Variants in BANK1 observed in about 807,000 individuals in gnomAD.
BANK1 encodes the protein B-cell scaffold protein with ankyrin repeats.
A neutral mutation model predicts 94.5 loss-of-function variants in BANK1; 95 were observed. The observed-to-expected ratio is 1.00, with a 90% CI of 0.85 to 1.19. BANK1 has a LOEUF of 1.19. Ranked by LOEUF, BANK1 falls within the 50% of genes most tolerant of loss-of-function variation. The pLI is 0.00. For synonymous variants in BANK1, 334 were observed against 308.4 expected (o/e 1.08, Z -0.87); for missense variants, 987 against 932.2 (o/e 1.06, Z -0.77).
At chr4:101,986,740 A>T (rs1725492128) in intron 7 of BANK1, among the ~76,000 whole-genome samples, 1 of 148,122 alleles carries the variant, frequency 6.8e-6, no homozygotes, top group African/African-American at 2.5e-5. Flanking sequence ...CTTTCTTCTA[A>T]TGTGATTGAT....
At chr4:102,059,567 A>G (rs1728343976) in intron 11 of BANK1, among the ~76,000 whole-genome samples, 1 of 152,160 alleles carries the variant, frequency 6.6e-6, no homozygotes, top group Admixed American at 6.5e-5. Context: ...GAGTTCACCC[A>G]TGGTCTGCCA....
chr4:102,058,009 T>A (rs1728287193), intron 11 of BANK1, among the ~76,000 whole-genome samples: 1 of 152,198 alleles, frequency 6.6e-6, no homozygotes, highest in South Asian at 2.1e-4. Flanking sequence ...TATCCTGCTT[T>A]TGTACTTGTT....
intron 5 of BANK1, among the ~76,000 whole-genome samples, chr4:101,889,640 T>TA (rs963501881): frequency 1.1e-4 from 16 of 151,300 alleles, no homozygotes; most frequent in Non-Finnish European, 2.4e-4. Flanking sequence ...AATCACTTGT[T>TA]ACTATAGTTT....
At chr4:101,792,255 T>TCCCCCCC (rs771698917) in intron 1 of BANK1, among the ~76,000 whole-genome samples, 5 of 128,658 alleles carry the variant, frequency 3.9e-5, no homozygotes, top group South Asian at 2.8e-4. Flanking sequence ...TGCATTCCGC[T>TCCCCCCC]CCCCCCCCGC....
intron 7 of BANK1, among the ~76,000 whole-genome samples, chr4:101,997,941 T>A (rs1291046446): frequency 6.6e-6 from 1 of 152,200 alleles, no homozygotes; most frequent in African/African-American, 2.4e-5. Context: ...ATCTTAGTTA[T>A]TTCTTGTCTT....
intron 7 of BANK1, among the ~76,000 whole-genome samples, chr4:101,989,141 T>C (rs531913218): frequency 2.0e-5 from 3 of 152,032 alleles, no homozygotes; most frequent in African/African-American, 4.8e-5. Flanking sequence ...AAGAACCCCC[T>C]GTTTCTTATA....
chr4:101,883,359 C>T (rs1354127868), intron 5 of BANK1, among the ~76,000 whole-genome samples: 2 of 152,090 alleles, frequency 1.3e-5, no homozygotes, highest in African/African-American at 4.8e-5. Flanking sequence ...AATTACTTAG[C>T]CATTAATACA....
At chr4:101,841,804 T>A (rs899222120) in intron 2 of BANK1, among the ~76,000 whole-genome samples, 2 of 114,084 alleles carry the variant, frequency 1.8e-5, no homozygotes, top group Admixed American at 1.3e-4. Context: ...GTCCCCAGAG[T>A]GCAATGTTCC....
intron 7 of BANK1, among the ~76,000 whole-genome samples, chr4:101,925,931 C>A (rs571695398): frequency 1.3e-5 from 2 of 151,758 alleles, no homozygotes. Context: ...GTATTGACAC[C>A]ATATCTGTCG....
In BANK1 at chr4:101,918,078, T is replaced by A; in HGVS notation, c.1095T>A (p.Cys365Ter). The A allele has an allele frequency of 1.2e-6, 2 of 1,612,098 alleles. No individual in the cohort carries two copies. The highest frequency in any genetic ancestry group is 1.7e-6 in the Non-Finnish European group (2 of 1,178,698). ...ACCTGGCTATTCATTTGCTTCAATG[T>A]TCAGGAGCAACCTGGGCATCTAAGA... ...LKNLAIHLLQ[C>*]SGATWASKMK... is the part of the protein sequence containing the mutation. The change falls in exon 7 of 17, where the codon TGT becomes TGA. Residue 365 changes from cysteine to a stop codon, truncating the protein, a stop_gained. Transcript: ENST00000322953. LOFTEE classifies it high-confidence loss of function.
At chr4:101,847,231 GTGTGTA>G (rs1333403234) in intron 2 of BANK1, among the ~76,000 whole-genome samples, 4 of 117,624 alleles carry the variant, frequency 3.4e-5, no homozygotes, top group South Asian at 5.2e-4. Flanking sequence ...GTGTGTGTGT[GTGTGTA>G]TGTATATAGT....
chr4:102,049,766 G>T (rs112381760), intron 11 of BANK1, among the ~76,000 whole-genome samples: 1 of 152,210 alleles, frequency 6.6e-6, no homozygotes, highest in African/African-American at 2.4e-5. Context: ...CCTGAAGCTG[G>T]TCATCAGCAG....
At chr4:101,908,810 T>G (rs1451675364) in intron 6 of BANK1, among the ~76,000 whole-genome samples, 1 of 152,198 alleles carries the variant, frequency 6.6e-6, no homozygotes, top group Non-Finnish European at 1.5e-5. Context: ...GAGAAAATGC[T>G]CATCATCACT....
At chr4:101,860,495 A>G (rs541042741) in intron 3 of BANK1, among the ~76,000 whole-genome samples, 36 of 151,686 alleles carry the variant, frequency 2.4e-4, no homozygotes, top group Non-Finnish European at 4.9e-4. Flanking sequence ...CAGTGGCGTG[A>G]TCTCGGCTCA....
chr4:101,796,655 A>G (rs1168379151), intron 1 of BANK1, among the ~76,000 whole-genome samples: 1 of 152,216 alleles, frequency 6.6e-6, no homozygotes, highest in Non-Finnish European at 1.5e-5. Flanking sequence ...GGTTAGTATT[A>G]TAAGAATTAA....
At chr4:102,066,366 C>G (rs1444020873) in intron 13 of BANK1, among the ~76,000 whole-genome samples, 1 of 151,688 alleles carries the variant, frequency 6.6e-6, no homozygotes, top group Non-Finnish European at 1.5e-5. Context: ...ACGCTATTCT[C>G]CTGCCTCAGC....
At chr4:102,007,417 A>G (rs1726343551) in intron 7 of BANK1, among the ~76,000 whole-genome samples, 1 of 151,504 alleles carries the variant, frequency 6.6e-6, no homozygotes, top group South Asian at 2.1e-4. Context: ...CAGTGCTAAA[A>G]GTTTAAATTC....
chr4:101,822,262 C>G (rs533078707), intron 1 of BANK1, among the ~76,000 whole-genome samples: 4 of 151,720 alleles, frequency 2.6e-5, no homozygotes, highest in African/African-American at 9.7e-5. Flanking sequence ...CCCAGCTACT[C>G]GGGAGGCTGA....
intron 2 of BANK1, among the ~76,000 whole-genome samples, chr4:101,839,511 C>A (rs899953828): frequency 6.6e-6 from 1 of 152,140 alleles, no homozygotes; most frequent in East Asian, 1.9e-4. Context: ...TTAATAGCTT[C>A]CCATATGAGG....
Sources: allele counts gnomAD v4.1 joint callset (sites outside exome capture counted in the v4.1 genomes callset), GRCh38; gene constraint gnomAD v4.1.1; transcripts MANE v1.5; gene names NCBI Gene and HGNC (gene_info 2026-07-23, HGNC 2026-07-21).